Variants in CACNA1A observed in about 807,000 individuals in gnomAD.
CACNA1A encodes the protein calcium voltage-gated channel subunit alpha1 A.
CACNA1A carries 57 observed loss-of-function variants against 262.4 expected under a neutral mutation model. The ratio of observed to expected loss-of-function variants is 0.22; its 90% CI spans 0.18 to 0.27. CACNA1A has a LOEUF of 0.27. Ranked by LOEUF, CACNA1A falls within the 10% of genes least tolerant of loss-of-function variation. The probability of loss-of-function intolerance (pLI) is 1.00; values close to 1 mark genes in which losing one functional copy is unlikely to be tolerated. For missense variants in CACNA1A, 2,526 were observed against 3,562.8 expected (o/e 0.71, Z 7.41); for synonymous variants, 1,431 against 1,419.3 (o/e 1.01, Z -0.18).
chr19:13,369,593 A>G (rs1306398099), intron 4 of CACNA1A, among the ~76,000 whole-genome samples: 1 of 152,224 alleles, frequency 6.6e-6, no homozygotes, highest in Non-Finnish European at 1.5e-5. Flanking sequence ...ATTAGATGAG[A>G]GAGTTCACAC....
intron 31 of CACNA1A, among the ~76,000 whole-genome samples, chr19:13,237,288 C>T (rs889933870): frequency 2.0e-5 from 3 of 152,154 alleles, no homozygotes; most frequent in Non-Finnish European, 4.4e-5. Context: ...GGTCTCTCCA[C>T]ACTAAGGGAA....
At chr19:13,431,910 T>C (rs988493015) in intron 3 of CACNA1A, among the ~76,000 whole-genome samples, 2 of 151,638 alleles carry the variant, frequency 1.3e-5, no homozygotes, top group Non-Finnish European at 2.9e-5. Context: ...ATTGACACCA[T>C]CCTGGCCAAC....
In CACNA1A at chr19:13,310,505, T is replaced by G. The variant is rs1326749749; in HGVS notation, c.1669-1977A>C. Among the ~76,000 whole-genome samples, 21 of 34,208 alleles carry G rather than the reference T, an allele frequency of 6.1e-4. 3 individuals carry two copies. The East Asian group carries it at 0.039, about 63-fold the overall frequency. The allele number at this position is 34,208 out of a possible 152,430, so 22.4% of individuals were successfully genotyped here. ...AAAAAAAAAAATATATATATATATA[T>G]ATATATATGTAGAGAGAGAGAGAGA... On this transcript the variant is annotated intron_variant, in intron 12 of 46. Coordinates refer to ENST00000360228, the MANE Select transcript of CACNA1A (RefSeq NM_001127222.2).
At chr19:13,334,264 C>T (rs892889572) in intron 8 of CACNA1A, 114 bp downstream of exon 8, 14 of 653,970 alleles carry the variant, frequency 2.1e-5, no homozygotes, top group Non-Finnish European at 3.6e-5. Context: ...TTCAGGTTCT[C>T]TTTCTCCTCC....
intron 3 of CACNA1A, among the ~76,000 whole-genome samples, chr19:13,376,899 G>GATATATAATTTATATTACATATATGTTAT (rs1568586589): frequency 3.5e-5 from 5 of 143,610 alleles, no homozygotes; most frequent in Non-Finnish European, 7.6e-5. Flanking sequence ...TGTTATATGT[G>GATATATAATTTATATTACATATATGTTAT]ATATATAATT....
intron 9 of CACNA1A, among the ~76,000 whole-genome samples, chr19:13,331,624 G>A (rs1448611799): frequency 6.6e-6 from 1 of 152,080 alleles, no homozygotes; most frequent in Non-Finnish European, 1.5e-5. Context: ...TTTTCTTATT[G>A]CTGTTATTAT....
chr19:13,216,479 A>G (rs1414261007), intron 38 of CACNA1A, among the ~76,000 whole-genome samples: 3 of 152,058 alleles, frequency 2.0e-5, no homozygotes, highest in African/African-American at 7.2e-5. Context: ...CTGGGATTAC[A>G]GACATCTGCC....
At chr19:13,388,099 T>C (rs913429312) in intron 3 of CACNA1A, among the ~76,000 whole-genome samples, 2 of 152,018 alleles carry the variant, frequency 1.3e-5, no homozygotes, top group Non-Finnish European at 2.9e-5. Flanking sequence ...GGCCAAATAT[T>C]TCTAAGATGG....
rs974515720 is a variant in CACNA1A at position 13,293,439 on chromosome 19, CTTTTTTTTT to C, written c.3089+5096_3089+5104del. Among the ~76,000 whole-genome samples the C allele has an allele frequency of 2.9e-3, 233 of 80,898 alleles. 1 individual carries two copies. The highest frequency in any genetic ancestry group is 0.01 in the African/African-American group (218 of 20,924). 53.1% of individuals were successfully genotyped at this position (80,898 alleles called of 152,430 possible). A position where few individuals can be genotyped will look rare whatever the true frequency, so the allele number is the denominator to read the frequency against. On this transcript the variant is annotated intron_variant, in intron 19 of 46. Transcript: ENST00000360228. Reference sequence around the variant, plus strand: ...TTTACACGTACTAACTCAGTTAAATCTTTTTTTTTTTTTTTTTTTTTTTTGAGATGGAGT... The same window carrying C: ...TTTACACGTACTAACTCAGTTAAATCTTTTTTTTTTTTTTTGAGATGGAGT...
chr19:13,446,421 G>A (rs2060813644), intron 3 of CACNA1A, among the ~76,000 whole-genome samples: 1 of 149,414 alleles, frequency 6.7e-6, no homozygotes, highest in Non-Finnish European at 1.5e-5. Flanking sequence ...GTGTGTGTGT[G>A]TGCGCGCGTG....
intron 6 of CACNA1A, among the ~76,000 whole-genome samples, chr19:13,346,308 C>T (rs888619653): frequency 6.6e-6 from 1 of 152,074 alleles, no homozygotes; most frequent in African/African-American, 2.4e-5. Context: ...ATGCCAGGAA[C>T]ATCCTGCCTC....
chr19:13,274,840 G>A (rs1160007442), intron 24 of CACNA1A: 1 of 152,132 alleles, frequency 6.6e-6, no homozygotes, highest in Non-Finnish European at 1.5e-5. Flanking sequence ...AAGACTTGGG[G>A]ACCGTCTTGG....
At chr19:13,226,614 A>G (rs1268564807) in intron 37 of CACNA1A, 1 of 152,272 alleles carries the variant, frequency 6.6e-6, no homozygotes, top group African/African-American at 2.4e-5. Flanking sequence ...ATTCCAGGAC[A>G]GGGATCTGGA....
At position 13,467,243 on chromosome 19, in the gene CACNA1A, A is replaced by G. The variant is rs148069755; in HGVS notation, c.294-12031T>C. Among the ~76,000 whole-genome samples, 206 of 152,280 alleles carry G rather than the reference A, an allele frequency of 1.4e-3. 1 individual carries two copies. Among genetic ancestry groups the G allele is most frequent in the Middle Eastern group, 3.4e-3 (1 of 294 alleles). ...GGGCTTTTCACCTTCTAAATGACAC[A>G]CTACACATTTTTTAAGCTTTTAAAA... On this transcript the variant is annotated intron_variant, in intron 1 of 46. Coordinates refer to ENST00000360228, the MANE Select transcript of CACNA1A (RefSeq NM_001127222.2).
intron 34 of CACNA1A, 155 bp downstream of exon 34, chr19:13,234,766 G>C (rs1006536195): frequency 2.9e-5 from 17 of 594,984 alleles, no homozygotes; most frequent in Middle Eastern, 4.3e-4. Context: ...CCCCCTACCG[G>C]AAAAGAAGGG....
At chr19:13,426,515 T>C (rs1327891892) in intron 3 of CACNA1A, among the ~76,000 whole-genome samples, 1 of 152,092 alleles carries the variant, frequency 6.6e-6, no homozygotes, top group Non-Finnish European at 1.5e-5. Context: ...TAGCCCAAAA[T>C]GTCAATTGTG....
At chr19:13,318,890 CTTTTT>C (rs751530649) in intron 10 of CACNA1A, among the ~76,000 whole-genome samples, 2 of 114,664 alleles carry the variant, frequency 1.7e-5, no homozygotes. Context: ...TAAAATACAT[CTTTTT>C]TTTTTTTTTT....
Position 13,260,323 on chromosome 19 carries a change from T to TAC in CACNA1A, c.4251-623_4251-622insGT, listed in dbSNP as rs2056697118. The TAC allele has an allele frequency of 7.7e-5, 6 of 77,452 alleles. No individual in the cohort carries two copies. The South Asian group carries it at 1.9e-3, about 24-fold the overall frequency. The allele number at this position is 77,452 out of a possible 1,614,324, so 4.8% of individuals were successfully genotyped here. A position where few individuals can be genotyped will look rare whatever the true frequency, so the allele number is the denominator to read the frequency against. Reference sequence around the variant, plus strand: ...GTACATATATATATATACATATATATATATATATATTTTTGTTGTTGTTGT... The same window carrying TAC: ...GTACATATATATATATACATATATATACATATATATATTTTTGTTGTTGTTGT... On this transcript the variant is annotated intron_variant, in intron 26 of 46. Coordinates refer to ENST00000360228, the MANE Select transcript of CACNA1A (RefSeq NM_001127222.2).
chr19:13,240,337 CTGTG>C (rs903928044), intron 31 of CACNA1A, among the ~76,000 whole-genome samples: 1 of 149,822 alleles, frequency 6.7e-6, no homozygotes, highest in Non-Finnish European at 1.5e-5. Context: ...TGAATGCAGA[CTGTG>C]TGTGCATGCA....
Sources: allele counts gnomAD v4.1 joint callset (sites outside exome capture counted in the v4.1 genomes callset), GRCh38; gene constraint gnomAD v4.1.1; transcripts MANE v1.5; gene names NCBI Gene and HGNC (gene_info 2026-07-23, HGNC 2026-07-21).